Variants in PPHLN1 observed in about 807,000 individuals in gnomAD.
PPHLN1 encodes the protein periphilin 1.
PPHLN1 carries 29 observed loss-of-function variants against 51.3 expected under a neutral mutation model. The observed-to-expected ratio is 0.57, with a 90% CI of 0.42 to 0.77. The LOEUF (loss-of-function observed/expected upper bound fraction) is 0.77. Ranked by LOEUF, PPHLN1 falls within the 30% of genes least tolerant of loss-of-function variation. The pLI is 0.00. For missense variants in PPHLN1, 436 were observed against 438.4 expected (o/e 0.99, Z 0.05); for synonymous variants, 147 against 147.8 (o/e 0.99, Z 0.04).
At chr12:42,337,171 A>C (rs535567556) in intron 2 of PPHLN1, among the ~76,000 whole-genome samples, 1 of 152,064 alleles carries the variant, frequency 6.6e-6, no homozygotes, top group Non-Finnish European at 1.5e-5. Flanking sequence ...CTGTAGGGAA[A>C]AGGGATGACT....
chr12:42,406,963 A>G (rs1000396093), intron 9 of PPHLN1, among the ~76,000 whole-genome samples: 3 of 152,172 alleles, frequency 2.0e-5, no homozygotes, highest in Non-Finnish European at 2.9e-5. Context: ...GAAAGATCAT[A>G]TGTTTCTCCC....
chr12:42,366,224 CTTT>C (rs34689856), intron 4 of PPHLN1, among the ~76,000 whole-genome samples: 3,013 of 111,076 alleles, frequency 0.027, 19 homozygotes, highest in Non-Finnish European at 0.037. Context: ...GTACCGGACA[CTTT>C]TTTTTTTTTT....
chr12:42,384,985 A>G lies in PPHLN1; in HGVS notation c.557A>G (p.Asn186Ser), dbSNP rs767479753. The G allele has an allele frequency of 1.2e-6, 2 of 1,610,074 alleles. No individual in the cohort carries two copies. Among genetic ancestry groups the G allele is most frequent in the East Asian group, 4.5e-5 (2 of 44,860 alleles). Residue 186 changes from asparagine (N) to serine (S), a missense_variant, in exon 6 of 10, where the codon AAT (asparagine) becomes AGT (serine). Coordinates refer to ENST00000358314, the MANE Select transcript of PPHLN1 (RefSeq NM_201439.2). ...GASYKRQNEG[N>S]PERDKERPVQ... ...TCCTACAAACGGCAGAATGAAGGAAATCCTGAAAGAGGTGAGTTTTGAGCT... is the reference window on the plus strand; with the variant it reads ...TCCTACAAACGGCAGAATGAAGGAAGTCCTGAAAGAGGTGAGTTTTGAGCT...
chr12:42,353,552 A>G (rs922323850), intron 3 of PPHLN1, among the ~76,000 whole-genome samples: 11 of 152,200 alleles, frequency 7.2e-5, no homozygotes, highest in African/African-American at 2.7e-4. Context: ...TTGGGGTTTT[A>G]TAGCTTTCTT....
At chr12:42,394,681 G>A (rs992859868) in intron 8 of PPHLN1, among the ~76,000 whole-genome samples, 1 of 151,970 alleles carries the variant, frequency 6.6e-6, no homozygotes, top group Non-Finnish European at 1.5e-5. Flanking sequence ...CCTCCTTATT[G>A]TAGCTATAAT....
intron 3 of PPHLN1, among the ~76,000 whole-genome samples, chr12:42,353,629 A>G (rs1436737481): frequency 6.6e-6 from 1 of 152,038 alleles, no homozygotes; most frequent in African/African-American, 2.4e-5. Context: ...TGTGGTCCTC[A>G]TATTTATTAC....
At chr12:42,384,919 T>A in intron 5 of PPHLN1, 21 bp from the exon 6 acceptor site, 1 of 1,591,620 alleles carries the variant, frequency 6.3e-7, no homozygotes, top group Non-Finnish European at 8.6e-7. Context: ...TGTTAATTCC[T>A]CCCTGCCCAC....
At chr12:42,385,223 A>G (rs997570588) in intron 6 of PPHLN1, among the ~76,000 whole-genome samples, 1 of 152,212 alleles carries the variant, frequency 6.6e-6, no homozygotes, top group African/African-American at 2.4e-5. Context: ...TGAGATCTGT[A>G]GAATAGACAG....
intron 4 of PPHLN1, chr12:42,355,749 TA>T (rs5797790): frequency 0.5 from 54,871 of 109,672 alleles, 11,055 homozygotes; most frequent in Middle Eastern, 0.6. Flanking sequence ...AGACTCCGTC[TA>T]AAAAAAAAAA....
chr12:42,444,928 C>T (rs193025565), downstream of PPHLN1: 10 of 618,848 alleles, frequency 1.6e-5, no homozygotes, highest in Admixed American at 5.6e-5. Context: ...CTCACTCCAT[C>T]GAGATTTACT....
chr12:42,405,418 A>G (rs2079202498), intron 9 of PPHLN1, among the ~76,000 whole-genome samples: 1 of 152,240 alleles, frequency 6.6e-6, no homozygotes, highest in Non-Finnish European at 1.5e-5. Flanking sequence ...TTTATAAGAA[A>G]CATTTTAAAA....
chr12:42,391,702 A>AC (rs1231112832), intron 7 of PPHLN1, among the ~76,000 whole-genome samples: 5 of 149,922 alleles, frequency 3.3e-5, no homozygotes, highest in Non-Finnish European at 7.4e-5. Context: ...TTTTAAAAAA[A>AC]CCTTCTATTA....
At chr12:42,347,183 C>T (rs2072476149) in intron 2 of PPHLN1, 1 of 152,214 alleles carries the variant, frequency 6.6e-6, no homozygotes, top group South Asian at 2.1e-4. Flanking sequence ...TGCCTAGGTA[C>T]AAGGCAACCT....
intron 9 of PPHLN1, among the ~76,000 whole-genome samples, chr12:42,405,047 A>T (rs1009062156): frequency 2.0e-5 from 3 of 151,684 alleles, no homozygotes; most frequent in African/African-American, 4.8e-5. Context: ...AATAAAATAA[A>T]TTTTTTTTGC....
At chr12:42,383,938 C>G (rs1592601781) in intron 5 of PPHLN1, among the ~76,000 whole-genome samples, 2 of 131,930 alleles carry the variant, frequency 1.5e-5, no homozygotes, top group East Asian at 2.4e-4. Flanking sequence ...GAACTGAGAT[C>G]ACGCCACTGC....
downstream of PPHLN1, chr12:42,442,523 G>C: frequency 7.2e-7 from 1 of 1,382,238 alleles, no homozygotes; most frequent in Non-Finnish European, 9.9e-7. Flanking sequence ...AATACAAGCG[G>C]CTCCAGCTTA....
At chr12:42,431,688 G>A in intron 9 of PPHLN1, 1 of 1,118,566 alleles carries the variant, frequency 8.9e-7, no homozygotes, top group South Asian at 1.2e-5. Context: ...ATTCAGGACT[G>A]CTACTTCTTG....
chr12:42,430,482 A>G (rs2081943963), intron 9 of PPHLN1, among the ~76,000 whole-genome samples: 1 of 151,934 alleles, frequency 6.6e-6, no homozygotes, highest in Non-Finnish European at 1.5e-5. Flanking sequence ...TACATATACT[A>G]TATTCTTTTT....
At chr12:42,351,647 G>A (rs1311740011) in intron 2 of PPHLN1, among the ~76,000 whole-genome samples, 1 of 152,068 alleles carries the variant, frequency 6.6e-6, no homozygotes, top group African/African-American at 2.4e-5. Flanking sequence ...CTTATGATTG[G>A]TTTTCGCATT....
Sources: gnomAD v4.1 joint callset for allele counts (sites outside exome capture counted in the v4.1 genomes callset) on GRCh38, gnomAD v4.1.1 for gene constraint, MANE v1.5 for transcripts, NCBI Gene and HGNC (gene_info 2026-07-23, HGNC 2026-07-21) for gene names.